SCN1A: variants seen among roughly 807,000 people sequenced by gnomAD.
The protein encoded by SCN1A is sodium channel protein type 1 subunit alpha.
Under a neutral mutation model 193.7 loss-of-function variants are expected in SCN1A, and 13 were observed. That is an observed-to-expected ratio of 0.07 (90% CI 0.04 to 0.11). The LOEUF (loss-of-function observed/expected upper bound fraction) is 0.11, where lower values mean the gene tolerates loss of function less well. SCN1A is among the 10% of genes least tolerant of loss of function. The pLI, the probability that SCN1A is intolerant of heterozygous loss-of-function variation, is 1.00. For missense variants in SCN1A, 1,432 were observed against 2,451.1 expected (o/e 0.58, Z 8.78); for synonymous variants, 781 against 843.6 (o/e 0.93, Z 1.29).
intron 21 of SCN1A, among the ~76,000 whole-genome samples, chr2:166,013,268 TAAG>T (rs1692785699): frequency 6.6e-6 from 1 of 151,562 alleles, no homozygotes; most frequent in Non-Finnish European, 1.5e-5. Flanking sequence ...CATTATTTCT[TAAG>T]TAGCACAAAA....
chr2:166,004,234 A>G (rs1372922061), intron 23 of SCN1A, among the ~76,000 whole-genome samples: 1 of 151,616 alleles, frequency 6.6e-6, no homozygotes, highest in Admixed American at 6.6e-5. Context: ...GGAAATTGAA[A>G]TCAAGTTACT....
At chr2:166,090,188 A>G (rs1686646002) in intron 2 of SCN1A, among the ~76,000 whole-genome samples, 1 of 151,814 alleles carries the variant, frequency 6.6e-6, no homozygotes, top group East Asian at 1.9e-4. Flanking sequence ...GCATACCAGC[A>G]TGCCCAGCTG....
intron 19 of SCN1A, among the ~76,000 whole-genome samples, chr2:166,034,419 A>G (rs1696062982): frequency 6.6e-6 from 1 of 152,216 alleles, no homozygotes; most frequent in Non-Finnish European, 1.5e-5. Context: ...GACAACTATC[A>G]AAATGCAATG....
chr2:166,125,033 C>A (rs1215516059), intron 2 of SCN1A, among the ~76,000 whole-genome samples: 1 of 152,146 alleles, frequency 6.6e-6, no homozygotes, highest in Admixed American at 6.5e-5. Context: ...AACTTTGGGG[C>A]AGCTTGGGGA....
chr2:166,090,567 C>A (rs1686686542), intron 2 of SCN1A, among the ~76,000 whole-genome samples: 1 of 152,104 alleles, frequency 6.6e-6, no homozygotes, highest in African/African-American at 2.4e-5. Flanking sequence ...AGAAGCCAGG[C>A]CATAGGTTCT....
intron 3 of SCN1A, among the ~76,000 whole-genome samples, chr2:166,074,579 C>G (rs73969791): frequency 0.077 from 11,701 of 152,224 alleles, 1,225 homozygotes; most frequent in African/African-American, 0.24. Context: ...CCCCATACAG[C>G]AGAGTCAGAC....
At chr2:166,139,530 A>T (rs1691997783) in intron 1 of SCN1A, among the ~76,000 whole-genome samples, 1 of 152,200 alleles carries the variant, frequency 6.6e-6, no homozygotes, top group Non-Finnish European at 1.5e-5. Flanking sequence ...TGCCTCCAGC[A>T]TGATTGTGAG....
intron 22 of SCN1A, among the ~76,000 whole-genome samples, chr2:166,010,737 T>G (rs1692331254): frequency 6.6e-6 from 1 of 151,160 alleles, no homozygotes; most frequent in South Asian, 2.1e-4. Context: ...TGTATCATAT[T>G]TAATATACTT....
At chr2:166,148,253 A>G (rs1012009464) in intron 1 of SCN1A, among the ~76,000 whole-genome samples, 4 of 152,204 alleles carry the variant, frequency 2.6e-5, no homozygotes, top group African/African-American at 7.2e-5. Flanking sequence ...TTCCTGGCCA[A>G]TATATCACTC....
chr2:166,051,082 T>C (rs986253745), intron 9 of SCN1A, among the ~76,000 whole-genome samples: 2 of 151,978 alleles, frequency 1.3e-5, no homozygotes, highest in African/African-American at 4.8e-5. Context: ...CTCCTTTCAT[T>C]ATATCAATCA....
At chr2:166,062,617 T>C (rs1323096465) in intron 4 of SCN1A, among the ~76,000 whole-genome samples, 1 of 152,052 alleles carries the variant, frequency 6.6e-6, no homozygotes, top group Non-Finnish European at 1.5e-5. Context: ...CTCTAGAGTT[T>C]TCAAATATAT....
At chr2:166,084,432 G>T (rs1685876910) in intron 2 of SCN1A, among the ~76,000 whole-genome samples, 1 of 152,028 alleles carries the variant, frequency 6.6e-6, no homozygotes, top group Admixed American at 6.6e-5. Context: ...GACAATGCAG[G>T]TCATTTTTGC....
chr2:166,013,679 T>C, intron 21 of SCN1A, 65 bp downstream of exon 21: 1 of 1,424,110 alleles, frequency 7.0e-7, no homozygotes, highest in Admixed American at 1.7e-5. Context: ...AAAGGATTAA[T>C]AAGTCATCAG....
At position 166,046,843 on chromosome 2, in the gene SCN1A, T is replaced by C. The variant is rs778809957; in HGVS notation, c.1304A>G (p.Glu435Gly). The C allele has an allele frequency of 2.5e-6, 4 of 1,613,980 alleles. No homozygotes were observed. The highest frequency in any genetic ancestry group is 1.1e-5 in the South Asian group (1 of 91,082). The change falls in exon 12 of 29, where the codon GAA becomes GGA. Residue 435 changes from glutamate to glycine, a missense_variant. Glu to Gly is a moderately conservative substitution (Grantham distance 98). Around this residue, in one of 18 missense-constraint regions of SCN1A, gnomAD observed 58 missense variants for 103.4 expected, o/e 0.56. Coordinates refer to ENST00000674923, the MANE Select transcript of SCN1A (RefSeq NM_001165963.4). ...AYEEQNQATL[E>G]EAEQKEAEFQ... Reference sequence around the variant, plus strand: ...TTCGGCCTCTTTCTGTTCTGCTTCTTCCAAGGTGGCCTGATTCTGTTCCTC... The same window carrying C: ...TTCGGCCTCTTTCTGTTCTGCTTCTCCCAAGGTGGCCTGATTCTGTTCCTC...
chr2:166,055,045 A>C (rs939664779), intron 6 of SCN1A, among the ~76,000 whole-genome samples: 2 of 152,000 alleles, frequency 1.3e-5, no homozygotes, highest in East Asian at 3.9e-4. Flanking sequence ...ATGTAAATAT[A>C]GTCTCCTGAG....
chr2:166,033,963 A>G (rs1695985504), intron 19 of SCN1A, among the ~76,000 whole-genome samples: 1 of 110,068 alleles, frequency 9.1e-6, no homozygotes, highest in South Asian at 3.1e-4. Context: ...ACAGAAGTTC[A>G]GAAACAATTT....
At chr2:166,035,951 C>T (rs1696281745) in intron 19 of SCN1A, 97 bp downstream of exon 19, 3 of 1,246,478 alleles carry the variant, frequency 2.4e-6, no homozygotes, top group South Asian at 1.3e-5. Context: ...AAAAAAAAAT[C>T]TTAAGTCAAA....
intron 2 of SCN1A, among the ~76,000 whole-genome samples, chr2:166,093,268 A>T (rs1687019082): frequency 6.6e-6 from 1 of 150,988 alleles, no homozygotes; most frequent in Admixed American, 6.6e-5. Flanking sequence ...ATGTTTCTGG[A>T]CTTCTCATTC....
intron 14 of SCN1A, among the ~76,000 whole-genome samples, chr2:166,042,730 T>C (rs574945752): frequency 6.6e-6 from 1 of 152,230 alleles, no homozygotes; most frequent in Admixed American, 6.5e-5. Context: ...TTACCCTTAT[T>C]TCTGAACTAA....
Sources: gnomAD v4.1 joint callset for allele counts (sites outside exome capture counted in the v4.1 genomes callset) on GRCh38, gnomAD v4.1.1 for gene constraint, gnomAD v4.1.1 regional missense constraint, MANE v1.5 for transcripts, NCBI Gene and HGNC (gene_info 2026-07-23, HGNC 2026-07-21) for gene names.